DPP10: variants seen among roughly 807,000 people sequenced by gnomAD.
DPP10 encodes the protein dipeptidyl peptidase like 10.
A neutral mutation model predicts 120.9 loss-of-function variants in DPP10; 33 were observed. The observed-to-expected ratio is 0.27, with a 90% CI of 0.21 to 0.37. The LOEUF (loss-of-function observed/expected upper bound fraction) is 0.37, where lower values mean the gene tolerates loss of function less well. Ranked by LOEUF, DPP10 falls within the 10% of genes least tolerant of loss-of-function variation. The pLI, the probability that DPP10 is intolerant of heterozygous loss-of-function variation, is 1.00. For missense variants in DPP10, 816 were observed against 942.8 expected (o/e 0.87, Z 1.76); for synonymous variants, 337 against 326.1 (o/e 1.03, Z -0.36).
At chr2:115,356,675 A>C (rs1261281723) in intron 3 of DPP10, among the ~76,000 whole-genome samples, 2 of 152,230 alleles carry the variant, frequency 1.3e-5, no homozygotes, top group Non-Finnish European at 2.9e-5. Flanking sequence ...ATTCAATATG[A>C]TATTGGCTAG....
At chr2:114,531,415 GAGA>G (rs1247470670) in intron 1 of DPP10, among the ~76,000 whole-genome samples, 2 of 151,688 alleles carry the variant, frequency 1.3e-5, no homozygotes, top group Non-Finnish European at 2.9e-5. Context: ...AAGAAAGAAA[GAGA>G]AGGAGAGAGA....
At chr2:115,664,031 T>C (rs1487670153) in intron 5 of DPP10, among the ~76,000 whole-genome samples, 4 of 151,456 alleles carry the variant, frequency 2.6e-5, no homozygotes, top group African/African-American at 4.9e-5. Flanking sequence ...TACATACATA[T>C]ATGTATTTAT....
chr2:115,294,307 G>T (rs977783922), intron 1 of DPP10, among the ~76,000 whole-genome samples: 1 of 152,094 alleles, frequency 6.6e-6, no homozygotes, highest in African/African-American at 2.4e-5. Context: ...ATTAATGAAT[G>T]TATTTATCAA....
chr2:114,858,131 A>G (rs956331291), intron 1 of DPP10, among the ~76,000 whole-genome samples: 2 of 152,134 alleles, frequency 1.3e-5, no homozygotes, highest in African/African-American at 4.8e-5. Context: ...CTGGGACTAC[A>G]GATGCACGCC....
intron 1 of DPP10, among the ~76,000 whole-genome samples, chr2:115,208,462 A>G (rs954977573): frequency 3.9e-5 from 6 of 152,158 alleles, no homozygotes; most frequent in African/African-American, 7.2e-5. Context: ...GTAATTATAC[A>G]TTGCTAAAAT....
At chr2:114,763,096 A>C (rs574593939) in intron 1 of DPP10, among the ~76,000 whole-genome samples, 9 of 152,168 alleles carry the variant, frequency 5.9e-5, no homozygotes, top group Non-Finnish European at 8.8e-5. Flanking sequence ...AAAGATCAGC[A>C]AATAGAGATT....
chr2:115,005,749 C>T (rs1701776306), intron 1 of DPP10, among the ~76,000 whole-genome samples: 2 of 151,776 alleles, frequency 1.3e-5, no homozygotes, highest in South Asian at 2.1e-4. Context: ...GATTGGTGTA[C>T]CTGAAAGTGA....
chr2:114,975,349 A>T (rs4508604), intron 1 of DPP10, among the ~76,000 whole-genome samples: 36,501 of 152,042 alleles, frequency 0.24, 4,689 homozygotes, highest in Admixed American at 0.31. Context: ...TGGCTGAAGG[A>T]TTTGCAATCA....
intron 1 of DPP10, among the ~76,000 whole-genome samples, chr2:114,444,226 C>T (rs893894014): frequency 4.6e-5 from 7 of 152,100 alleles, no homozygotes; most frequent in Non-Finnish European, 8.8e-5. Flanking sequence ...TATAGTTTTC[C>T]TCTGTGTATC....
intron 1 of DPP10, among the ~76,000 whole-genome samples, chr2:114,899,843 C>T (rs1267205623): frequency 6.6e-6 from 1 of 152,048 alleles, no homozygotes; most frequent in Non-Finnish European, 1.5e-5. Context: ...GCCTGTGGTC[C>T]CAGCTACTCG....
chr2:115,469,024 G>C (rs544379232), intron 3 of DPP10: 7 of 200,226 alleles, frequency 3.5e-5, no homozygotes, highest in Non-Finnish European at 7.0e-5. Flanking sequence ...GCAGTGGTGC[G>C]ATAGCTGACT....
intron 3 of DPP10, among the ~76,000 whole-genome samples, chr2:115,345,153 A>G (rs1253102331): frequency 2.0e-5 from 3 of 152,326 alleles, no homozygotes; most frequent in African/African-American, 7.2e-5. Flanking sequence ...CATAAACTTA[A>G]ATTTTAATTG....
In DPP10 at chr2:114,905,006, T is replaced by C. The variant is rs527266800; in HGVS notation, c.61-404233T>C. 2.6e-5 allele frequency among the ~76,000 whole-genome samples: 4 copies of C among 152,302 alleles called. No individual in the cohort carries two copies. The South Asian group carries it at 8.3e-4, about 32-fold the overall frequency. On this transcript the variant is annotated intron_variant, in intron 1 of 25. Coordinates refer to ENST00000410059, the MANE Select transcript of DPP10 (RefSeq NM_020868.6). ...GCCATCAAAGCCAAGGGTTTCTATT[T>C]CTAGATATTTTTTATTTCAGTCTTT...
At chr2:115,079,076 G>A (rs1708034399) in intron 1 of DPP10, among the ~76,000 whole-genome samples, 1 of 152,064 alleles carries the variant, frequency 6.6e-6, no homozygotes, top group Non-Finnish European at 1.5e-5. Context: ...CACCGTGCTG[G>A]GACTCAGAAA....
intron 1 of DPP10, among the ~76,000 whole-genome samples, chr2:114,858,147 A>C (rs942932106): frequency 2.6e-5 from 4 of 151,626 alleles, no homozygotes; most frequent in Non-Finnish European, 4.4e-5. Context: ...ACGCCGCCAC[A>C]CTCGGCTAAT....
chr2:114,834,988 A>T (rs1264929073), intron 1 of DPP10, among the ~76,000 whole-genome samples: 2 of 150,256 alleles, frequency 1.3e-5, no homozygotes, highest in Non-Finnish European at 3.0e-5. Flanking sequence ...TATAAAAGAC[A>T]TATCTACACA....
intron 1 of DPP10, among the ~76,000 whole-genome samples, chr2:114,897,359 C>T (rs560392043): frequency 1.3e-5 from 2 of 152,152 alleles, no homozygotes; most frequent in Non-Finnish European, 2.9e-5. Context: ...GTGAATCCAT[C>T]TGGTCCTGGA....
chr2:114,673,753 G>C (rs572208958), intron 1 of DPP10, among the ~76,000 whole-genome samples: 4 of 152,164 alleles, frequency 2.6e-5, no homozygotes, highest in Admixed American at 2.6e-4. Flanking sequence ...TAAGTGTTAT[G>C]AAAAACACTA....
chr2:115,778,106 T>C (rs1309603503), intron 15 of DPP10, among the ~76,000 whole-genome samples: 1 of 152,078 alleles, frequency 6.6e-6, no homozygotes, highest in African/African-American at 2.4e-5. Flanking sequence ...GTGGCTTATT[T>C]CTCTCAACTC....
Sources: gnomAD v4.1 joint callset for allele counts (sites outside exome capture counted in the v4.1 genomes callset) on GRCh38, gnomAD v4.1.1 for gene constraint, MANE v1.5 for transcripts, NCBI Gene and HGNC (gene_info 2026-07-23, HGNC 2026-07-21) for gene names.